NECTIN1: variants seen among roughly 807,000 people sequenced by gnomAD.
The protein encoded by NECTIN1 is nectin-1.
A neutral mutation model predicts 48.0 loss-of-function variants in NECTIN1; 23 were observed. That is an observed-to-expected ratio of 0.48 (90% CI 0.34 to 0.68). NECTIN1 has a LOEUF of 0.68. NECTIN1 is among the 30% of genes least tolerant of loss of function. The pLI is 0.01. For synonymous variants in NECTIN1, 270 were observed against 288.9 expected, an observed-to-expected ratio of 0.93 and a Z score of 0.66; for missense variants, 591 against 709.9, an observed-to-expected ratio of 0.83 and a Z score of 1.90.
chr11:119,716,881 C>G (rs576984031), intron 1 of NECTIN1, among the ~76,000 whole-genome samples: 1 of 152,252 alleles, frequency 6.6e-6, no homozygotes, highest in Non-Finnish European at 1.5e-5. Flanking sequence ...CACACACACA[C>G]AGCACGTGAC....
chr11:119,685,914 G>GA (rs764105276), intron 1 of NECTIN1, among the ~76,000 whole-genome samples: 1 of 152,158 alleles, frequency 6.6e-6, no homozygotes, highest in Non-Finnish European at 1.5e-5. Flanking sequence ...GACCTTGGGG[G>GA]ACTGCACTTT....
intron 5 of NECTIN1, among the ~76,000 whole-genome samples, chr11:119,653,280 A>AT (rs1310703316): frequency 6.6e-6 from 1 of 152,254 alleles, no homozygotes; most frequent in Non-Finnish European, 1.5e-5. Context: ...GCAAGTAAAA[A>AT]TGATCACGGT....
Position 119,664,359 on chromosome 11 carries a change from G to C in NECTIN1, c.*388C>G. 1 of 1,038,906 alleles carries C rather than the reference G, an allele frequency of 9.6e-7. No individual in the cohort carries two copies. The highest frequency in any genetic ancestry group is 1.7e-5 in the African/African-American group (1 of 59,142). 64.4% of individuals were successfully genotyped at this position (1,038,906 alleles called of 1,614,324 possible). A position where few individuals can be genotyped will look rare whatever the true frequency, so the allele number is the denominator to read the frequency against. ...GAGCCCCTTGAGCCCTCCACCCCCA[G>C]TGAAGAAACACAAACAAATTCCAGT... is the stretch of plus-strand genomic sequence containing the variant. On this transcript the variant is annotated 3_prime_UTR_variant, in exon 6 of 6. Transcript: ENST00000264025.
In NECTIN1 at chr11:119,664,752, C is replaced by T. The variant is rs1378089244; in HGVS notation, c.1549G>A (p.Val517Met). ...GSFISKKEWY[V>M] ...CAGAGGCTCTGGAAGGGGGGCTACA[C>T]GTACCACTCCTTCTTGGAAATGAAA... Residue 517 changes from valine (V) to methionine (M), a missense_variant, in exon 6 of 6, where the codon GTG becomes ATG. Val to Met is a conservative substitution (Grantham distance 21, BLOSUM62 1). Coordinates refer to ENST00000264025, the MANE Select transcript of NECTIN1 (RefSeq NM_002855.5). The T allele has an allele frequency of 4.3e-6, 7 of 1,609,852 alleles. No individual in the cohort carries two copies. The highest frequency in any genetic ancestry group is 5.9e-6 in the Non-Finnish European group (7 of 1,177,766).
chr11:119,699,578 G>A (rs917790723), intron 1 of NECTIN1, among the ~76,000 whole-genome samples: 6 of 152,238 alleles, frequency 3.9e-5, no homozygotes, highest in Admixed American at 3.9e-4. Flanking sequence ...TGGAGTCACA[G>A]GATGACTGGA....
intron 5 of NECTIN1, among the ~76,000 whole-genome samples, chr11:119,648,151 A>C (rs931344463): frequency 7.0e-6 from 1 of 143,112 alleles, no homozygotes; most frequent in African/African-American, 2.6e-5. Flanking sequence ...AGCGGCGCCC[A>C]GAAATAATAG....
rs1203099280 is a variant in NECTIN1, at chr11:119,664,282, C to G, written c.*465G>C. On this transcript the variant is annotated 3_prime_UTR_variant, in exon 6 of 6. Transcript: ENST00000264025. ...TTCACTGGTGGGTGTTGGGTTCCCTCTAGCCGGGAGGAGGAGCAGCATCTG... is the reference window on the plus strand; with the variant it reads ...TTCACTGGTGGGTGTTGGGTTCCCTGTAGCCGGGAGGAGGAGCAGCATCTG... The G allele has an allele frequency of 1.0e-6, 1 of 998,196 alleles. No individual in the cohort carries two copies. Among genetic ancestry groups the G allele is most frequent in the Non-Finnish European group, 1.2e-6 (1 of 837,368 alleles). 61.8% of individuals were successfully genotyped at this position (998,196 alleles called of 1,614,324 possible). A position where few individuals can be genotyped will look rare whatever the true frequency, so the allele number is the denominator to read the frequency against.
intron 1 of NECTIN1, among the ~76,000 whole-genome samples, chr11:119,713,337 A>G (rs1349637188): frequency 1.3e-5 from 2 of 152,124 alleles, no homozygotes; most frequent in East Asian, 3.9e-4. Flanking sequence ...CAGAGCCTAG[A>G]AGGATCTCTA....
intron 1 of NECTIN1, among the ~76,000 whole-genome samples, chr11:119,691,243 A>G (rs1234070025): frequency 6.6e-6 from 1 of 152,216 alleles, no homozygotes; most frequent in Non-Finnish European, 1.5e-5. Context: ...CCACAGAACG[A>G]AGCAAACTCC....
intron 5 of NECTIN1, among the ~76,000 whole-genome samples, chr11:119,650,195 ACTT>A (rs771497292): frequency 6.6e-6 from 1 of 152,120 alleles, no homozygotes; most frequent in Non-Finnish European, 1.5e-5. Context: ...GGCCATTTTC[ACTT>A]CTTTTGTGGT....
Position 119,678,774 on chromosome 11 carries a change from G to A in NECTIN1, c.80-9C>T. The A allele has an allele frequency of 3.8e-6, 6 of 1,590,600 alleles. No homozygotes were observed. The highest frequency in any genetic ancestry group is 4.3e-6 in the Non-Finnish European group (5 of 1,167,652). ...CACCTGGGAGTGGACGCCTGGCCAG[G>A]AGGATGGCAGCAAGTGGTCAGTGTC... On this transcript the variant is annotated splice_polypyrimidine_tract_variant and intron_variant, in intron 1 of 5. Transcript: ENST00000264025. This position sits in a 1 kb window ranked among gnomAD's most constrained non-coding sequence, Gnocchi z 4.4.
chr11:119,641,628 CG>C (rs1237423389), intron 5 of NECTIN1: 4 of 152,476 alleles, frequency 2.6e-5, no homozygotes, highest in African/African-American at 7.2e-5. Flanking sequence ...TTAAGCTGGA[CG>C]TGCTTCCTCC....
At chr11:119,666,947 G>A (rs892296252) in intron 5 of NECTIN1, among the ~76,000 whole-genome samples, 4 of 152,132 alleles carry the variant, frequency 2.6e-5, no homozygotes, top group East Asian at 1.9e-4. Context: ...CCAAGGTCAC[G>A]CGGCTGAGCC....
chr11:119,674,036 G>A (rs1864904000), intron 5 of NECTIN1, among the ~76,000 whole-genome samples: 1 of 152,196 alleles, frequency 6.6e-6, no homozygotes, highest in Admixed American at 6.5e-5. Context: ...AACTTCACGT[G>A]GCTCTTTCTG....
chr11:119,652,568 T>C (rs1307139560), intron 5 of NECTIN1, among the ~76,000 whole-genome samples: 1 of 152,222 alleles, frequency 6.6e-6, no homozygotes, highest in Non-Finnish European at 1.5e-5. Flanking sequence ...ACATCTCTGA[T>C]AGTCATATGA....
At chr11:119,667,283 GC>G (rs1194016533) in intron 5 of NECTIN1, among the ~76,000 whole-genome samples, 2 of 152,120 alleles carry the variant, frequency 1.3e-5, no homozygotes, top group African/African-American at 2.4e-5. Context: ...CAGCCTGCCT[GC>G]CCCCCTCCTC....
rs1864730933 is a variant in NECTIN1 at position 119,664,744 on chromosome 11, G to A, written c.*3C>T. 5.0e-6 allele frequency: 8 copies of A among 1,607,930 alleles called. No individual in the cohort carries two copies. The highest frequency in any genetic ancestry group is 5.9e-6 in the Non-Finnish European group (7 of 1,176,786). ...GTCACAGACAGAGGCTCTGGAAGGG[G>A]GGCTACACGTACCACTCCTTCTTGG... On this transcript the variant is annotated 3_prime_UTR_variant, in exon 6 of 6. Transcript: ENST00000264025.
chr11:119,687,918 G>T (rs1865186737), intron 1 of NECTIN1, among the ~76,000 whole-genome samples: 1 of 152,194 alleles, frequency 6.6e-6, no homozygotes, highest in Non-Finnish European at 1.5e-5. Context: ...AGTGGGGGAA[G>T]GTATACAATG....
intron 1 of NECTIN1, chr11:119,713,932 G>A: frequency 2.2e-6 from 1 of 453,066 alleles, no homozygotes. Context: ...GGGGACTTGG[G>A]GAGAAACTCT....
Sources: allele counts gnomAD v4.1 joint callset (sites outside exome capture counted in the v4.1 genomes callset), GRCh38; gene constraint gnomAD v4.1.1; non-coding constraint Gnocchi (gnomAD v3.1); transcripts MANE v1.5; gene names NCBI Gene and HGNC (gene_info 2026-07-23, HGNC 2026-07-21).